Variants in TCEA3 observed in about 807,000 individuals in gnomAD.
The protein encoded by TCEA3 is transcription elongation factor A3.
In TCEA3, 36 loss-of-function variants were observed where a neutral mutation model predicts 44.0. The ratio of observed to expected loss-of-function variants is 0.82; its 90% CI spans 0.63 to 1.08. The LOEUF is 1.08. Among genes scored for constraint, TCEA3 ranks in the 50% least tolerant of loss-of-function variants. The probability of loss-of-function intolerance (pLI) is 0.00; values close to 1 mark genes in which losing one functional copy is unlikely to be tolerated. For missense variants in TCEA3, 392 were observed against 441.2 expected, an observed-to-expected ratio of 0.89 and a Z score of 1.00; for synonymous variants, 162 against 159.7, an observed-to-expected ratio of 1.01 and a Z score of -0.11.
intron 4 of TCEA3, chr1:23,412,252 A>G (rs1414382512): frequency 6.6e-6 from 1 of 152,190 alleles, no homozygotes; most frequent in Non-Finnish European, 1.5e-5. Flanking sequence ...ATACTGTTTT[A>G]TATTTAAAAA....
intron 5 of TCEA3, among the ~76,000 whole-genome samples, chr1:23,405,240 G>A (rs974663906): frequency 5.3e-5 from 8 of 152,206 alleles, no homozygotes; most frequent in Non-Finnish European, 1.0e-4. Context: ...ATGAAAGAAC[G>A]GAAGAGAAAA....
intron 5 of TCEA3, among the ~76,000 whole-genome samples, chr1:23,400,708 A>G (rs1361108363): frequency 6.6e-6 from 1 of 152,100 alleles, no homozygotes; most frequent in Non-Finnish European, 1.5e-5. Flanking sequence ...AGTTGAAAAA[A>G]TTAAGGTCCC....
chr1:23,387,627 T>TA (rs1388273859), intron 8 of TCEA3, among the ~76,000 whole-genome samples: 5 of 152,206 alleles, frequency 3.3e-5, no homozygotes, highest in Non-Finnish European at 7.3e-5. Context: ...TGGAAGGTCA[T>TA]AATGCACATT....
intron 1 of TCEA3, among the ~76,000 whole-genome samples, chr1:23,419,812 G>A (rs1640004338): frequency 6.6e-6 from 1 of 152,106 alleles, no homozygotes; most frequent in African/African-American, 2.4e-5. Flanking sequence ...CTCCAGCCTG[G>A]GTGACAGAGC....
chr1:23,417,226 C>G (rs780740332), intron 4 of TCEA3, 23 bp downstream of exon 4: 15 of 1,610,652 alleles, frequency 9.3e-6, no homozygotes, highest in Non-Finnish European at 1.3e-5. Context: ...CAGCTCCCTT[C>G]TCTCCATCCC....
chr1:23,395,588 G>T (rs565280047), intron 7 of TCEA3, among the ~76,000 whole-genome samples: 6 of 152,290 alleles, frequency 3.9e-5, no homozygotes, highest in Admixed American at 3.9e-4. Context: ...CATTTTACGA[G>T]GCTGAGGAGG....
In TCEA3 at chr1:23,394,031, T is replaced by C. The variant is rs774776824; in HGVS notation, c.667A>G (p.Ile223Val). The change falls in exon 8 of 11, where the codon ATC (isoleucine) becomes GTC (valine). Residue 223 changes from isoleucine (I) to valine (V), a missense_variant and splice_region_variant. Transcript: ENST00000450454. ...DKMASEIEDH[I>V]YQELKSTDMK... ...TCCGTGCTCTTGAGCTCTTGGTAGA[T>C]ATGTGACACAGTCAAGGGCCGGCCA... is the stretch of plus-strand genomic sequence containing the variant. The C allele has an allele frequency of 2.5e-6, 4 of 1,613,852 alleles. No homozygotes were observed. Among genetic ancestry groups the C allele is most frequent in the South Asian group, 2.2e-5 (2 of 91,090 alleles).
At chr1:23,408,583 T>C (rs1236849361) in intron 5 of TCEA3, 81 bp downstream of exon 5, 4 of 1,426,210 alleles carry the variant, frequency 2.8e-6, no homozygotes, top group East Asian at 4.8e-5. Flanking sequence ...TTCCTCTGCC[T>C]TGGGCTTCCT....
chr1:23,417,168 A>G, intron 4 of TCEA3, 81 bp downstream of exon 4: 1 of 1,516,654 alleles, frequency 6.6e-7, no homozygotes, highest in Non-Finnish European at 8.9e-7. Context: ...TGAAAGGTTT[A>G]AATGAGATAA....
chr1:23,402,825 A>T (rs1472315587), intron 5 of TCEA3, among the ~76,000 whole-genome samples: 1 of 152,202 alleles, frequency 6.6e-6, no homozygotes, highest in East Asian at 1.9e-4. Context: ...CACTTGATAC[A>T]TCATTGCTAA....
chr1:23,387,152 A>C, intron 9 of TCEA3, 121 bp downstream of exon 9: 1 of 1,325,710 alleles, frequency 7.5e-7, no homozygotes, highest in Non-Finnish European at 1.0e-6. Flanking sequence ...CGCACCCGGC[A>C]AAGCCTAGAG....
At chr1:23,423,270 G>T (rs757296951) in intron 1 of TCEA3, among the ~76,000 whole-genome samples, 6 of 152,200 alleles carry the variant, frequency 3.9e-5, no homozygotes, top group Non-Finnish European at 8.8e-5. Context: ...TTCTTAGCAA[G>T]CACAGGTCTG....
intron 9 of TCEA3, 141 bp downstream of exon 9, chr1:23,387,132 C>T (rs779184147): frequency 1.1e-5 from 12 of 1,098,916 alleles, no homozygotes; most frequent in African/African-American, 3.2e-5. Flanking sequence ...TGATTACAGA[C>T]ATGAGCCACC....
intron 8 of TCEA3, among the ~76,000 whole-genome samples, chr1:23,391,140 C>T (rs994951339): frequency 7.0e-6 from 1 of 142,976 alleles, no homozygotes. Context: ...TTTTTTCTTT[C>T]TTTCTTTCTT....
At chr1:23,404,756 C>T (rs898707993) in intron 5 of TCEA3, among the ~76,000 whole-genome samples, 2 of 151,316 alleles carry the variant, frequency 1.3e-5, no homozygotes, top group South Asian at 2.1e-4. Context: ...CCCAGGAGTT[C>T]GAGACCAGCC....
At chr1:23,399,113 A>C (rs1246575233) in intron 5 of TCEA3, among the ~76,000 whole-genome samples, 3 of 117,074 alleles carry the variant, frequency 2.6e-5, no homozygotes, top group South Asian at 5.2e-4. Context: ...GAATTATCTC[A>C]TTCAGGTTTT....
intron 5 of TCEA3, among the ~76,000 whole-genome samples, chr1:23,405,521 G>A (rs954209815): frequency 3.3e-5 from 5 of 151,932 alleles, no homozygotes; most frequent in Non-Finnish European, 5.9e-5. Context: ...ACTTGAATCC[G>A]GGAGATGGAA....
At chr1:23,422,385 C>T (rs1042287554) in intron 1 of TCEA3, among the ~76,000 whole-genome samples, 3 of 152,124 alleles carry the variant, frequency 2.0e-5, no homozygotes, top group Admixed American at 6.5e-5. Context: ...TAGCTGTGAC[C>T]GTAGGCACTT....
intron 7 of TCEA3, among the ~76,000 whole-genome samples, chr1:23,394,470 A>C (rs1048206858): frequency 8.5e-5 from 13 of 152,222 alleles, no homozygotes; most frequent in African/African-American, 3.1e-4. Context: ...GATGATGACA[A>C]GGATGCGGAT....
Sources: allele counts gnomAD v4.1 joint callset (sites outside exome capture counted in the v4.1 genomes callset), GRCh38; gene constraint gnomAD v4.1.1; transcripts MANE v1.5; gene names NCBI Gene and HGNC (gene_info 2026-07-23, HGNC 2026-07-21).